MNAT1: variants seen among roughly 807,000 people sequenced by gnomAD.
MNAT1 encodes CDK-activating kinase assembly factor MAT1.
In MNAT1, 43 loss-of-function variants were observed where a neutral mutation model predicts 42.0. That is an observed-to-expected ratio of 1.02 (90% CI 0.80 to 1.32). The LOEUF (loss-of-function observed/expected upper bound fraction) is 1.32. Among genes scored for constraint, MNAT1 ranks in the 40% most tolerant of loss-of-function variants. The pLI is 0.00. For synonymous variants in MNAT1, 118 were observed against 120.0 expected, an observed-to-expected ratio of 0.98 and a Z score of 0.11; for missense variants, 306 against 350.4, an observed-to-expected ratio of 0.87 and a Z score of 1.01.
intron 4 of MNAT1, among the ~76,000 whole-genome samples, chr14:60,811,589 G>A (rs936011164): frequency 1.1e-4 from 16 of 151,656 alleles, no homozygotes; most frequent in Non-Finnish European, 2.1e-4. Flanking sequence ...GGTGTGAGCC[G>A]CTGCGTAGGG....
chr14:60,868,263 C>G (rs1056663644), intron 6 of MNAT1, among the ~76,000 whole-genome samples: 4 of 152,098 alleles, frequency 2.6e-5, no homozygotes, highest in Admixed American at 2.0e-4. Flanking sequence ...GCATACACAG[C>G]ACACATGTCC....
chr14:60,936,616 A>G (rs2036003141), intron 7 of MNAT1, among the ~76,000 whole-genome samples: 1 of 152,010 alleles, frequency 6.6e-6, no homozygotes, highest in Admixed American at 6.6e-5. Flanking sequence ...TTCTTAATCC[A>G]GTCTATCATT....
At chr14:60,747,548 A>G (rs930183487) in intron 1 of MNAT1, among the ~76,000 whole-genome samples, 4 of 152,208 alleles carry the variant, frequency 2.6e-5, no homozygotes, top group African/African-American at 9.7e-5. Context: ...GTAAAAAAGG[A>G]TAAAAAATGA....
rs146532109 is a variant in MNAT1 at position 60,746,407 on chromosome 14, C to T, written c.89+11456C>T. 4.5e-3 allele frequency among the ~76,000 whole-genome samples: 678 copies of T among 151,350 alleles called. 8 individuals are homozygous for T. Among genetic ancestry groups the T allele is most frequent in the African/African-American group, 0.015 (605 of 41,228 alleles). On this transcript the variant is annotated intron_variant, in intron 1 of 7. Coordinates refer to ENST00000261245, the MANE Select transcript of MNAT1 (RefSeq NM_002431.4). The stretch of plus-strand genomic sequence containing the variant: ...GGTCATGCCTGTAATTCCAGCTACT[C>T]GGGAGGATGAGGCAGGAGAATCACT...
intron 7 of MNAT1, among the ~76,000 whole-genome samples, chr14:60,956,619 G>C (rs2036491852): frequency 6.6e-6 from 1 of 152,072 alleles, no homozygotes; most frequent in South Asian, 2.1e-4. Context: ...AACTATTATT[G>C]TATTGCTGTC....
At chr14:60,950,488 A>G (rs2036360424) in intron 7 of MNAT1, among the ~76,000 whole-genome samples, 1 of 152,186 alleles carries the variant, frequency 6.6e-6, no homozygotes, top group African/African-American at 2.4e-5. Context: ...ACTGATATAT[A>G]CTCTAGCTTG....
At chr14:60,945,712 G>A (rs1363348372) in intron 7 of MNAT1, among the ~76,000 whole-genome samples, 3 of 152,104 alleles carry the variant, frequency 2.0e-5, no homozygotes, top group Admixed American at 1.3e-4. Context: ...TTTAAAACAT[G>A]TATGAATTAT....
At chr14:60,804,135 A>G (rs747081429) in intron 3 of MNAT1, among the ~76,000 whole-genome samples, 1 of 152,206 alleles carries the variant, frequency 6.6e-6, no homozygotes, top group Middle Eastern at 3.2e-3. Flanking sequence ...TCAAAATTGT[A>G]CGTGAATAAC....
At chr14:60,857,283 C>A (rs569077180) in intron 6 of MNAT1, among the ~76,000 whole-genome samples, 1 of 152,164 alleles carries the variant, frequency 6.6e-6, no homozygotes, top group Non-Finnish European at 1.5e-5. Context: ...GAAGTTAATT[C>A]CAACCCCCAT....
intron 6 of MNAT1, among the ~76,000 whole-genome samples, chr14:60,821,183 T>C (rs1021141250): frequency 1.3e-5 from 2 of 152,212 alleles, no homozygotes; most frequent in Non-Finnish European, 2.9e-5. Context: ...GGTCTCACTA[T>C]GTTGCCCAGG....
chr14:60,968,340 GC>G lies in MNAT1; in HGVS notation c.924del (p.Ser309ValfsTer5). 6.2e-7 allele frequency: 1 copy of G among 1,610,960 alleles called. No homozygotes were observed. The highest frequency in any genetic ancestry group is 1.3e-5 in the African/African-American group (1 of 74,824). On this transcript the variant is annotated frameshift_variant, in exon 8 of 8. Transcript: ENST00000261245. LOFTEE classifies it high-confidence loss of function. Reference protein sequence around the residue: ...QDAFSGLFWQPS With the variant: ...QDAFSGLFWQXS ...ATGCATTCAGTGGGCTTTTCTGGCA[GC>G]CCAGTTAACCATTTATAAGATTTGG...
intron 7 of MNAT1, among the ~76,000 whole-genome samples, chr14:60,924,432 CTG>C (rs1233571933): frequency 7.0e-6 from 1 of 143,352 alleles, no homozygotes; most frequent in Non-Finnish European, 1.5e-5. Context: ...AATAGCAAAA[CTG>C]TGATATAGAT....
chr14:60,924,101 C>T (rs2035717672), intron 7 of MNAT1, among the ~76,000 whole-genome samples: 2 of 152,088 alleles, frequency 1.3e-5, no homozygotes, highest in South Asian at 4.1e-4. Flanking sequence ...AGAAAACAAG[C>T]ATTTTACCTC....
intron 7 of MNAT1, among the ~76,000 whole-genome samples, chr14:60,911,026 T>C (rs1016577806): frequency 3.9e-5 from 6 of 152,216 alleles, no homozygotes; most frequent in Non-Finnish European, 7.4e-5. Flanking sequence ...TATTCAGAGA[T>C]TCAACTTCTT....
At chr14:60,742,788 A>G (rs562945373) in intron 1 of MNAT1, among the ~76,000 whole-genome samples, 2 of 152,182 alleles carry the variant, frequency 1.3e-5, no homozygotes, top group African/African-American at 2.4e-5. Context: ...ACATAGTGTA[A>G]TATTTTCTAG....
intron 7 of MNAT1, among the ~76,000 whole-genome samples, chr14:60,917,663 C>A (rs905407484): frequency 2.7e-5 from 4 of 148,978 alleles, no homozygotes; most frequent in African/African-American, 1.0e-4. Flanking sequence ...CACTTTTTTG[C>A]CCAGGCTGGA....
chr14:60,773,841 C>G (rs977947833), intron 1 of MNAT1, among the ~76,000 whole-genome samples: 2 of 152,178 alleles, frequency 1.3e-5, no homozygotes, highest in African/African-American at 4.8e-5. Flanking sequence ...CTTCTGTTGT[C>G]TTTTTGCCTT....
chr14:60,796,509 AGT>A, intron 2 of MNAT1, 140 bp downstream of exon 2: 1 of 727,484 alleles, frequency 1.4e-6, no homozygotes, highest in South Asian at 2.2e-5. Context: ...TAGAGAACTG[AGT>A]AATATTATTT....
intron 1 of MNAT1, among the ~76,000 whole-genome samples, chr14:60,768,761 CA>C (rs2030936382): frequency 6.6e-6 from 1 of 152,158 alleles, no homozygotes; most frequent in South Asian, 2.1e-4. Context: ...CCTAAGGAAA[CA>C]AACTAGTAAA....
Sources: allele counts gnomAD v4.1 joint callset (sites outside exome capture counted in the v4.1 genomes callset), GRCh38; gene constraint gnomAD v4.1.1; transcripts MANE v1.5; gene names NCBI Gene and HGNC (gene_info 2026-07-23, HGNC 2026-07-21).